The following TUSC3 variants were observed in gnomAD, a reference collection of about 807,000 sequenced individuals.
TUSC3 encodes dolichyl-diphosphooligosaccharide--protein glycosyltransferase subunit TUSC3.
TUSC3 carries 45 observed loss-of-function variants against 44.8 expected under a neutral mutation model. That is an observed-to-expected ratio of 1.00 (90% CI 0.79 to 1.29). The LOEUF (loss-of-function observed/expected upper bound fraction) is 1.29. TUSC3 is among the 50% of genes most tolerant of loss of function. The pLI is 0.00. For missense variants in TUSC3, 519 were observed against 437.9 expected (o/e 1.19, Z -1.65); for synonymous variants, 212 against 152.9 (o/e 1.39, Z -2.85).
the TUSC3 span, among the ~76,000 whole-genome samples, chr8:15,825,017 T>G: frequency 1.3e-5 from 2 of 152,176 alleles, no homozygotes; most frequent in East Asian, 1.9e-4. Context: ...TTCATTTAAA[T>G]TTTCAAAGGT....
the TUSC3 span, among the ~76,000 whole-genome samples, chr8:15,784,044 C>T: frequency 3.3e-5 from 5 of 151,826 alleles, no homozygotes; most frequent in African/African-American, 9.7e-5. Context: ...GCAATGGACC[C>T]GAGTAGACAT....
At chr8:15,772,118 T>A in the TUSC3 span, among the ~76,000 whole-genome samples, 1 of 151,592 alleles carries the variant, frequency 6.6e-6, no homozygotes, top group Non-Finnish European at 1.5e-5. Context: ...AGAAAGATCT[T>A]GAATTAATAT....
intron 9 of TUSC3, among the ~76,000 whole-genome samples, chr8:15,752,314 T>G (rs1465778730): frequency 4.6e-5 from 7 of 152,134 alleles, no homozygotes; most frequent in African/African-American, 1.7e-4. Context: ...CTGAGGATTA[T>G]GAGTATACTG....
chr8:15,476,611 C>A (rs551468454), intron 1 of TUSC3, among the ~76,000 whole-genome samples: 20 of 152,188 alleles, frequency 1.3e-4, no homozygotes, highest in Admixed American at 8.5e-4. Flanking sequence ...GTGTTTTGAA[C>A]AAAGAATTGG....
chr8:15,804,103 T>G, the TUSC3 span, among the ~76,000 whole-genome samples: 2 of 152,172 alleles, frequency 1.3e-5, no homozygotes, highest in Non-Finnish European at 2.9e-5. Flanking sequence ...TTTCTGGTTC[T>G]AGATCCTTCA....
chr8:15,747,996 C>T (rs776832284), intron 8 of TUSC3, among the ~76,000 whole-genome samples: 1 of 152,098 alleles, frequency 6.6e-6, no homozygotes, highest in Non-Finnish European at 1.5e-5. Context: ...GCCAATGCTT[C>T]ATAACGCAAG....
chr8:15,639,314 G>A (rs1806254624), intron 2 of TUSC3, among the ~76,000 whole-genome samples: 1 of 152,164 alleles, frequency 6.6e-6, no homozygotes, highest in Non-Finnish European at 1.5e-5. Context: ...ATGTGTTGAT[G>A]CTAGATCACG....
chr8:15,520,845 G>C (rs1176940212), intron 2 of TUSC3, among the ~76,000 whole-genome samples: 1 of 152,202 alleles, frequency 6.6e-6, no homozygotes, highest in Admixed American at 6.5e-5. Context: ...GTAAATTGAA[G>C]TTCCTGTCCT....
intron 7 of TUSC3, among the ~76,000 whole-genome samples, chr8:15,734,904 G>C (rs1467560102): frequency 6.6e-6 from 1 of 152,148 alleles, no homozygotes; most frequent in African/African-American, 2.4e-5. Flanking sequence ...GTGAAAGTTA[G>C]GTTAGGCTGG....
intron 1 of TUSC3, among the ~76,000 whole-genome samples, chr8:15,570,634 A>T (rs77900927): frequency 6.6e-6 from 1 of 152,096 alleles, no homozygotes; most frequent in East Asian, 1.9e-4. Flanking sequence ...ACTATTTTAC[A>T]TGTATTATTT....
chr8:15,795,940 C>T, the TUSC3 span, among the ~76,000 whole-genome samples: 38 of 152,264 alleles, frequency 2.5e-4, no homozygotes, highest in African/African-American at 8.4e-4. Flanking sequence ...ACAGCCACAG[C>T]GGAACCTAAA....
chr8:15,516,825 A>C (rs879726736), intron 2 of TUSC3, among the ~76,000 whole-genome samples: 1 of 152,216 alleles, frequency 6.6e-6, no homozygotes, highest in Non-Finnish European at 1.5e-5. Flanking sequence ...TCCATTATAA[A>C]GATTATATTT....
chr8:15,479,252 T>C (rs1405804230), intron 1 of TUSC3, among the ~76,000 whole-genome samples: 3 of 152,222 alleles, frequency 2.0e-5, no homozygotes, highest in Non-Finnish European at 2.9e-5. Context: ...ACTCTGATGA[T>C]AGTTTCTTTT....
At chr8:15,687,338 T>C (rs562803288) in intron 6 of TUSC3, among the ~76,000 whole-genome samples, 19 of 152,316 alleles carry the variant, frequency 1.2e-4, no homozygotes, top group African/African-American at 4.1e-4. Context: ...TCGCTTCTTA[T>C]TGAGTTACAT....
At chr8:15,733,258 A>G (rs1016697957) in intron 7 of TUSC3, 13 of 292,308 alleles carry the variant, frequency 4.4e-5, no homozygotes, top group Non-Finnish European at 1.3e-5. Flanking sequence ...AGGAAGCAAA[A>G]CATGTTAACA....
intron 1 of TUSC3, among the ~76,000 whole-genome samples, chr8:15,608,886 T>C (rs1405535714): frequency 6.6e-6 from 1 of 152,154 alleles, no homozygotes; most frequent in Non-Finnish European, 1.5e-5. Context: ...ACATATACCT[T>C]TGTACAAAAT....
chr8:15,488,009 G>T (rs1022428871), intron 2 of TUSC3, among the ~76,000 whole-genome samples: 2 of 151,190 alleles, frequency 1.3e-5, no homozygotes, highest in Non-Finnish European at 2.9e-5. Flanking sequence ...AATATAGGCA[G>T]TGTGGTCTCC....
intron 1 of TUSC3, among the ~76,000 whole-genome samples, chr8:15,617,694 T>G (rs1340796963): frequency 6.6e-6 from 1 of 152,240 alleles, no homozygotes; most frequent in African/African-American, 2.4e-5. Flanking sequence ...TCTCTTTGGC[T>G]TTAAGAATAT....
intron 5 of TUSC3, among the ~76,000 whole-genome samples, chr8:15,665,747 A>G (rs892952913): frequency 6.6e-6 from 1 of 151,496 alleles, no homozygotes; most frequent in Non-Finnish European, 1.5e-5. Context: ...ATTAAAACAT[A>G]CATATACGTT....
Sources: allele counts gnomAD v4.1 joint callset (sites outside exome capture counted in the v4.1 genomes callset), GRCh38; gene constraint gnomAD v4.1.1; transcripts MANE v1.5; gene names NCBI Gene and HGNC (gene_info 2026-07-23, HGNC 2026-07-21).